Variants in NRXN3 observed in about 807,000 individuals in gnomAD.
The protein encoded by NRXN3 is neurexin III.
A neutral mutation model predicts 137.6 loss-of-function variants in NRXN3; 32 were observed. The observed-to-expected ratio is 0.23, with a 90% CI of 0.18 to 0.31. The LOEUF (loss-of-function observed/expected upper bound fraction) is 0.31, where lower values mean the gene tolerates loss of function less well. Ranked by LOEUF, NRXN3 falls within the 10% of genes least tolerant of loss-of-function variation. The pLI, the probability that NRXN3 is intolerant of heterozygous loss-of-function variation, is 1.00. For synonymous variants in NRXN3, 798 were observed against 784.5 expected (o/e 1.02, Z -0.29); for missense variants, 1,574 against 2,062.5 (o/e 0.76, Z 4.59).
rs190043873 is a variant in NRXN3 at position 79,616,074 on chromosome 14, G to A, written c.3445-47704G>A. On this transcript the variant is annotated intron_variant, in intron 16 of 20. Coordinates refer to ENST00000335750, the MANE Select transcript of NRXN3 (RefSeq NM_001330195.2). The stretch of plus-strand genomic sequence containing the variant: ...TTGAGAGTCATACTAGTCACACCAA[G>A]GAAGTTAGAGTTAATCAATTGACAA... Among the ~76,000 whole-genome samples, 449 of 152,162 alleles carry A rather than the reference G, an allele frequency of 3.0e-3. 3 individuals carry two copies. Among genetic ancestry groups the A allele is most frequent in the African/African-American group, 0.01 (422 of 41,516 alleles).
At chr14:79,611,757 C>T in intron 16 of NRXN3, 1 of 152,304 alleles carries the variant, frequency 6.6e-6, no homozygotes, top group East Asian at 1.9e-4. Flanking sequence ...TTTGGATGTG[C>T]ACTCACATTG....
intron 19 of NRXN3, among the ~76,000 whole-genome samples, chr14:79,779,602 C>CT (rs1603484842): frequency 6.6e-6 from 1 of 152,140 alleles, no homozygotes; most frequent in African/African-American, 2.4e-5. Flanking sequence ...GATCAAAAAA[C>CT]TTTTCTCTGA....
chr14:78,918,708 T>C (rs948993560), intron 10 of NRXN3, among the ~76,000 whole-genome samples: 5 of 152,216 alleles, frequency 3.3e-5, no homozygotes, highest in African/African-American at 1.2e-4. Flanking sequence ...GTCCCAAAGA[T>C]TGCAATACTG....
At chr14:78,900,778 T>G (rs2099193383) in intron 10 of NRXN3, among the ~76,000 whole-genome samples, 1 of 152,068 alleles carries the variant, frequency 6.6e-6, no homozygotes, top group Non-Finnish European at 1.5e-5. Context: ...AGGGTAAAAT[T>G]ATCTATTCTT....
chr14:78,284,107 G>A (rs2074821825), intron 3 of NRXN3, among the ~76,000 whole-genome samples: 1 of 152,158 alleles, frequency 6.6e-6, no homozygotes, highest in African/African-American at 2.4e-5. Flanking sequence ...AATGTGAAAG[G>A]AAAATAAATC....
intron 1 of NRXN3, among the ~76,000 whole-genome samples, chr14:78,199,190 G>A (rs1302971260): frequency 6.6e-6 from 1 of 152,180 alleles, no homozygotes; most frequent in Non-Finnish European, 1.5e-5. Context: ...GAGGGCAGTT[G>A]AGAATCTTGG....
chr14:79,503,352 C>T (rs1467716656), intron 16 of NRXN3, among the ~76,000 whole-genome samples: 1 of 152,088 alleles, frequency 6.6e-6, no homozygotes, highest in East Asian at 1.9e-4. Flanking sequence ...ATTTACAGAT[C>T]TTCTTGAAGC....
intron 16 of NRXN3, among the ~76,000 whole-genome samples, chr14:79,597,472 G>A (rs1007776697): frequency 1.3e-5 from 2 of 152,170 alleles, no homozygotes; most frequent in African/African-American, 4.8e-5. Context: ...TTAGGTGGTT[G>A]CTTTTTAGTA....
chr14:78,293,896 C>T (rs887633895), intron 3 of NRXN3, among the ~76,000 whole-genome samples: 1 of 152,310 alleles, frequency 6.6e-6, no homozygotes, highest in African/African-American at 2.4e-5. Context: ...ATGTACCTGG[C>T]AGTGTCCTGG....
rs147007372 is a variant in NRXN3 at position 78,396,589 on chromosome 14, T to G, written c.757+98729T>G. On this transcript the variant is annotated intron_variant, in intron 4 of 20. Coordinates refer to ENST00000335750, the MANE Select transcript of NRXN3 (RefSeq NM_001330195.2). ...TTTTCCTAATTCCTGAAGGACATTTTCACAGATAAGAATTCTAGATTGACA... is the reference window on the plus strand; with the variant it reads ...TTTTCCTAATTCCTGAAGGACATTTGCACAGATAAGAATTCTAGATTGACA... Among the ~76,000 whole-genome samples the G allele has an allele frequency of 5.1e-4, 77 of 152,366 alleles. 1 individual carries two copies. Among genetic ancestry groups the G allele is most frequent in the African/African-American group, 1.8e-3 (74 of 41,594 alleles).
At chr14:78,430,199 C>T (rs1439722479) in intron 4 of NRXN3, among the ~76,000 whole-genome samples, 1 of 152,202 alleles carries the variant, frequency 6.6e-6, no homozygotes, top group Non-Finnish European at 1.5e-5. Flanking sequence ...GATCACACCA[C>T]TGCACTCTAG....
At chr14:78,776,479 C>G (rs2153011363) in intron 8 of NRXN3, among the ~76,000 whole-genome samples, 2 of 152,188 alleles carry the variant, frequency 1.3e-5, no homozygotes, top group Middle Eastern at 6.8e-3. Flanking sequence ...ATTCTGATAA[C>G]TATGAGAAGA....
At chr14:78,664,254 C>T (rs1379107427) in intron 6 of NRXN3, among the ~76,000 whole-genome samples, 1 of 152,180 alleles carries the variant, frequency 6.6e-6, no homozygotes, top group Non-Finnish European at 1.5e-5. Flanking sequence ...CTAAGCTTCT[C>T]TCTCTCCACC....
intron 2 of NRXN3, among the ~76,000 whole-genome samples, chr14:78,247,300 AG>A (rs2067840221): frequency 6.6e-6 from 1 of 152,248 alleles, no homozygotes; most frequent in Admixed American, 6.5e-5. Context: ...AAGACCCAGA[AG>A]ACACAGGAGG....
intron 15 of NRXN3, among the ~76,000 whole-genome samples, chr14:79,241,918 T>G (rs1023990059): frequency 2.6e-5 from 4 of 151,784 alleles, no homozygotes; most frequent in African/African-American, 4.8e-5. Context: ...AATACAAAAA[T>G]TATCCAGGCG....
At chr14:79,185,442 G>A (rs940132375) in intron 15 of NRXN3, among the ~76,000 whole-genome samples, 1 of 150,140 alleles carries the variant, frequency 6.7e-6, no homozygotes, top group Non-Finnish European at 1.5e-5. Context: ...ATTTCCATAT[G>A]ATTTGAGCAA....
At chr14:79,528,835 G>A (rs1053192467) in intron 16 of NRXN3, among the ~76,000 whole-genome samples, 20 of 152,190 alleles carry the variant, frequency 1.3e-4, no homozygotes, top group Admixed American at 1.1e-3. Context: ...CTCAGTCATC[G>A]AAGAGTGAAG....
At chr14:78,321,654 G>C (rs752732689) in intron 4 of NRXN3, among the ~76,000 whole-genome samples, 2 of 152,048 alleles carry the variant, frequency 1.3e-5, no homozygotes, top group Non-Finnish European at 2.9e-5. Context: ...AGTCATCAAG[G>C]TGGGGTTCTT....
rs182177930 is a variant in NRXN3, at chr14:79,410,336, A to T, written c.3263-56885A>T. On this transcript the variant is annotated intron_variant, in intron 15 of 20. Transcript: ENST00000335750. ...TTTGTTGAGTTCTTTCTGGCACCAA[A>T]CTACCCCAAACTCCATGAAGAACTG... Among the ~76,000 whole-genome samples, 34 of 152,206 alleles carry T rather than the reference A, an allele frequency of 2.2e-4. No individual in the cohort carries two copies. The East Asian group carries it at 4.2e-3, about 19-fold the overall frequency.
Sources: gnomAD v4.1 joint callset for allele counts (sites outside exome capture counted in the v4.1 genomes callset) on GRCh38, gnomAD v4.1.1 for gene constraint, MANE v1.5 for transcripts, NCBI Gene and HGNC (gene_info 2026-07-23, HGNC 2026-07-21) for gene names.